Variants in SCN9A observed in about 807,000 individuals in gnomAD.
The protein encoded by SCN9A is sodium voltage-gated channel alpha subunit 9.
Under a neutral mutation model 187.0 loss-of-function variants are expected in SCN9A, and 131 were observed. The observed-to-expected ratio is 0.70, with a 90% CI of 0.61 to 0.81. The LOEUF is 0.81. Ranked by LOEUF, SCN9A falls within the 30% of genes least tolerant of loss-of-function variation. The pLI, the probability that SCN9A is intolerant of heterozygous loss-of-function variation, is 0.00. For missense variants in SCN9A, 2,252 were observed against 2,396.6 expected, an observed-to-expected ratio of 0.94 and a Z score of 1.26; for synonymous variants, 809 against 808.6, an observed-to-expected ratio of 1.00 and a Z score of -0.01.
Position 166,359,205 on chromosome 2 carries a change from C to T in SCN9A, c.-51+16492G>A, listed in dbSNP as rs550421090. On this transcript the variant is annotated intron_variant, in intron 1 of 26. Transcript: ENST00000642356. The stretch of plus-strand genomic sequence containing the variant: ...TAGATATTACTCTTTTATGTGTGTA[C>T]AATTTCCCAACTAGATCCAGATTAT... 1.2e-3 allele frequency among the ~76,000 whole-genome samples: 190 copies of T among 152,166 alleles called. 1 individual carries two copies. Among genetic ancestry groups the T allele is most frequent in the African/African-American group, 4.5e-3 (187 of 41,532 alleles).
At position 166,330,628 on chromosome 2, in the gene SCN9A, A is replaced by AT. The variant is rs554750370; in HGVS notation, c.-50-18823dup. 2.0e-5 allele frequency among the ~76,000 whole-genome samples: 3 copies of AT among 152,130 alleles called. No homozygotes were observed. The South Asian group carries it at 6.2e-4, about 32-fold the overall frequency. On this transcript the variant is annotated intron_variant, in intron 1 of 26. Coordinates refer to ENST00000642356, the MANE Select transcript of SCN9A (RefSeq NM_001365536.1). ...CCAAGGACTGGTTTCATGGAAGACA[A>AT]TTTTTTCAGGGCAGCAGGGAAGGAG...
intron 18 of SCN9A, among the ~76,000 whole-genome samples, chr2:166,247,985 T>TTGCATAAGAGGGAGAGAAAAGG (rs1695870160): frequency 6.6e-6 from 1 of 151,910 alleles, no homozygotes; most frequent in Non-Finnish European, 1.5e-5. Flanking sequence ...AGGAACAACC[T>TTGCATAAGAGGGAGAGAAAAGG]TGCATAAGAG....
At chr2:166,218,124 G>A (rs1442917453) in intron 24 of SCN9A, among the ~76,000 whole-genome samples, 1 of 151,922 alleles carries the variant, frequency 6.6e-6, no homozygotes, top group East Asian at 1.9e-4. Context: ...TATGCACAGT[G>A]CACTACTATA....
chr2:166,287,462 A>T (rs1265537103), intron 10 of SCN9A, among the ~76,000 whole-genome samples: 1 of 151,980 alleles, frequency 6.6e-6, no homozygotes, highest in Non-Finnish European at 1.5e-5. Context: ...TTTCTTAGTT[A>T]TTTTCTAATT....
intron 17 of SCN9A, among the ~76,000 whole-genome samples, chr2:166,271,090 A>T (rs1458816607): frequency 6.6e-6 from 1 of 152,058 alleles, no homozygotes; most frequent in Non-Finnish European, 1.5e-5. Flanking sequence ...GGTTTTAAAG[A>T]GTTCCTGTTC....
At chr2:166,268,070 T>TG (rs905181138) in intron 17 of SCN9A, among the ~76,000 whole-genome samples, 50 of 152,122 alleles carry the variant, frequency 3.3e-4, no homozygotes, top group African/African-American at 1.2e-3. Flanking sequence ...CTACTTACAG[T>TG]GTGTATATAA....
intron 18 of SCN9A, among the ~76,000 whole-genome samples, chr2:166,243,044 ATACT>A (rs1695635847): frequency 6.6e-6 from 1 of 152,098 alleles, no homozygotes. Flanking sequence ...ATAATTTTAG[ATACT>A]TCCACTCCTC....
intron 24 of SCN9A, 36 bp from the exon 25 acceptor site, chr2:166,204,500 C>A: frequency 7.5e-7 from 1 of 1,334,390 alleles, no homozygotes; most frequent in South Asian, 1.4e-5. Context: ...GTAGTTAAAA[C>A]CAGAATCATT....
intron 1 of SCN9A, among the ~76,000 whole-genome samples, chr2:166,312,811 G>T (rs995391973): frequency 3.6e-5 from 4 of 110,998 alleles, no homozygotes; most frequent in Admixed American, 3.6e-4. Flanking sequence ...TATTTTGAAA[G>T]AAATCTTTTT....
intron 17 of SCN9A, chr2:166,259,058 C>T (rs981733995): frequency 2.0e-5 from 3 of 151,634 alleles, no homozygotes; most frequent in Non-Finnish European, 4.4e-5. Context: ...AATCAAATTG[C>T]CCTGGTGACA....
Position 166,198,987 on chromosome 2 carries a change from T to C in SCN9A, c.5652A>G (p.Leu1884=). The part of the protein sequence containing the change: ...KVSYEPITTT[L]KRKQEDVSAT... ...CAGACACATCCTCTTGTTTCCGTTT[T>C]AGTGTGGTTGTGATGGGTTCATAGG... Residue 1884 remains leucine, a synonymous_variant, in exon 27 of 27, where the codon CTA becomes CTG. Coordinates refer to ENST00000642356, the MANE Select transcript of SCN9A (RefSeq NM_001365536.1). 1 of 1,614,074 alleles carries C rather than the reference T, an allele frequency of 6.2e-7. No individual in the cohort carries two copies. The highest frequency in any genetic ancestry group is 2.2e-5 in the East Asian group (1 of 44,878).
chr2:166,289,399 G>A (rs1697936874), intron 9 of SCN9A, among the ~76,000 whole-genome samples: 1 of 151,558 alleles, frequency 6.6e-6, no homozygotes, highest in South Asian at 2.1e-4. Flanking sequence ...TGTTCTCATT[G>A]CCCACCTCTC....
At chr2:166,349,847 C>T (rs1193224981) in intron 1 of SCN9A, among the ~76,000 whole-genome samples, 1 of 152,002 alleles carries the variant, frequency 6.6e-6, no homozygotes, top group African/African-American at 2.4e-5. Context: ...TGGGGCATGC[C>T]TGTAATCCCA....
At chr2:166,370,607 G>A (rs1182309384) in intron 1 of SCN9A, among the ~76,000 whole-genome samples, 1 of 151,152 alleles carries the variant, frequency 6.6e-6, no homozygotes, top group African/African-American at 2.4e-5. Flanking sequence ...GAGTCTAGGT[G>A]TGCATATAGC....
intron 1 of SCN9A, among the ~76,000 whole-genome samples, chr2:166,352,841 C>T (rs1700071426): frequency 6.6e-6 from 1 of 152,150 alleles, no homozygotes; most frequent in South Asian, 2.1e-4. Flanking sequence ...TTCTGTGCTG[C>T]TCCATTCTGT....
At chr2:166,300,837 G>A (rs1238176534) in intron 7 of SCN9A, 3 of 150,878 alleles carry the variant, frequency 2.0e-5, no homozygotes, top group Admixed American at 6.6e-5. Flanking sequence ...TAATTGTCAT[G>A]CATTCATGTT....
chr2:166,331,934 T>G (rs1699514580), intron 1 of SCN9A, among the ~76,000 whole-genome samples: 1 of 152,164 alleles, frequency 6.6e-6, no homozygotes, highest in African/African-American at 2.4e-5. Flanking sequence ...CCAATCTTCC[T>G]TCTTATCTAG....
intron 26 of SCN9A, among the ~76,000 whole-genome samples, chr2:166,203,554 C>T (rs1693646754): frequency 6.6e-6 from 1 of 151,878 alleles, no homozygotes; most frequent in Admixed American, 6.6e-5. Flanking sequence ...CACAAATTCA[C>T]AGATATTCTG....
intron 24 of SCN9A, among the ~76,000 whole-genome samples, chr2:166,226,329 AT>A (rs1382124932): frequency 2.0e-5 from 3 of 152,176 alleles, no homozygotes; most frequent in African/African-American, 7.2e-5. Context: ...CTCAAAACCT[AT>A]GGGTTTAACC....
Sources: gnomAD v4.1 joint callset for allele counts (sites outside exome capture counted in the v4.1 genomes callset) on GRCh38, gnomAD v4.1.1 for gene constraint, MANE v1.5 for transcripts, NCBI Gene and HGNC (gene_info 2026-07-23, HGNC 2026-07-21) for gene names.